COL4A4: variants seen among roughly 807,000 people sequenced by gnomAD.
COL4A4 encodes collagen alpha-4(IV) chain.
COL4A4 carries 105 observed loss-of-function variants against 192.9 expected under a neutral mutation model. That is an observed-to-expected ratio of 0.54 (90% confidence interval 0.46 to 0.64). COL4A4 has a LOEUF of 0.64. Ranked by LOEUF, COL4A4 falls within the 30% of genes least tolerant of loss-of-function variation. The pLI, the probability that COL4A4 is intolerant of heterozygous loss-of-function variation, is 0.00. For synonymous variants in COL4A4, 762 were observed against 769.9 expected, an observed-to-expected ratio of 0.99 and a Z score of 0.17; for missense variants, 1,967 against 2,169.3, an observed-to-expected ratio of 0.91 and a Z score of 1.85.
intron 28 of COL4A4, 35 bp downstream of exon 28, chr2:227,059,370 C>T (rs2150272413): frequency 6.4e-7 from 1 of 1,566,134 alleles, no homozygotes; most frequent in East Asian, 2.2e-5. Flanking sequence ...ACTGAGCCAG[C>T]TCTATGCACC....
At chr2:227,076,023 G>C (rs941519297) in intron 25 of COL4A4, among the ~76,000 whole-genome samples, 1 of 152,140 alleles carries the variant, frequency 6.6e-6, no homozygotes. Context: ...TACACTCTTG[G>C]ATAGGAAGAA....
the COL4A4 span, among the ~76,000 whole-genome samples, chr2:226,980,807 A>C: frequency 6.6e-6 from 1 of 151,862 alleles, no homozygotes; most frequent in East Asian, 1.9e-4. Flanking sequence ...ATTGATGTTT[A>C]AAAAATTTAG....
intron 22 of COL4A4, among the ~76,000 whole-genome samples, chr2:227,083,643 G>A (rs1187676771): frequency 1.3e-5 from 2 of 151,194 alleles, no homozygotes; most frequent in East Asian, 3.9e-4. Flanking sequence ...GTGTAGAGAT[G>A]GGGTCTTGCT....
chr2:227,007,794 C>A (rs914503333), intron 47 of COL4A4, among the ~76,000 whole-genome samples: 1 of 152,206 alleles, frequency 6.6e-6, no homozygotes, highest in Non-Finnish European at 1.5e-5. Context: ...ATGGCTGAAG[C>A]AAACTCATCT....
intron 37 of COL4A4, among the ~76,000 whole-genome samples, chr2:227,038,264 C>T (rs887438538): frequency 7.2e-5 from 11 of 152,118 alleles, no homozygotes; most frequent in Admixed American, 1.3e-4. Context: ...GGAAGGGGTC[C>T]GGTTTCAGTA....
chr2:227,056,875 T>A (rs1975492580), intron 29 of COL4A4, among the ~76,000 whole-genome samples: 1 of 152,202 alleles, frequency 6.6e-6, no homozygotes, highest in African/African-American at 2.4e-5. Context: ...GGCAGCTTGA[T>A]CTTGGACTTC....
intron 43 of COL4A4, among the ~76,000 whole-genome samples, chr2:227,023,154 A>G (rs2149866786): frequency 6.6e-6 from 1 of 152,086 alleles, no homozygotes. Flanking sequence ...ACTTTGAAAA[A>G]CACAGGCTGG....
At chr2:227,079,055 G>A (rs565247834) in intron 24 of COL4A4, among the ~76,000 whole-genome samples, 13 of 152,324 alleles carry the variant, frequency 8.5e-5, no homozygotes, top group African/African-American at 2.9e-4. Context: ...TGGGGAATGA[G>A]GCTTTCAAGT....
chr2:227,157,770 C>T (rs2064469694), intron 1 of COL4A4, among the ~76,000 whole-genome samples: 2 of 151,884 alleles, frequency 1.3e-5, no homozygotes, highest in South Asian at 4.2e-4. Context: ...TAAGTAAAAA[C>T]CTTCCCCAAA....
chr2:227,107,084 G>A (rs376409997), intron 12 of COL4A4, among the ~76,000 whole-genome samples: 4 of 152,140 alleles, frequency 2.6e-5, no homozygotes, highest in African/African-American at 7.2e-5. Flanking sequence ...TGGCTTCGAC[G>A]AACATATTCC....
intron 4 of COL4A4, among the ~76,000 whole-genome samples, chr2:227,124,364 A>T (rs981306768): frequency 6.6e-6 from 1 of 152,254 alleles, no homozygotes; most frequent in African/African-American, 2.4e-5. Context: ...TACCATCAGC[A>T]GAAGTGATTT....
upstream of COL4A4, chr2:227,164,432 C>A: frequency 7.6e-6 from 4 of 527,690 alleles, no homozygotes; most frequent in South Asian, 2.1e-5. The surrounding 1 kb of genome is among the most constrained non-coding windows in gnomAD (Gnocchi z 4.8). Flanking sequence ...AGGCGCCCAG[C>A]CCTTTCTCGC....
chr2:227,033,806 A>G (rs1391202574), intron 37 of COL4A4, among the ~76,000 whole-genome samples: 1 of 152,224 alleles, frequency 6.6e-6, no homozygotes, highest in Non-Finnish European at 1.5e-5. Context: ...TTTTATGACA[A>G]TAAAATCACC....
At chr2:226,993,494 G>A in the COL4A4 span, among the ~76,000 whole-genome samples, 2 of 152,230 alleles carry the variant, frequency 1.3e-5, no homozygotes, top group African/African-American at 4.8e-5. Context: ...ACAGTTTTAA[G>A]CAATCAACTA....
Position 227,012,184 on chromosome 2 carries a change from G to C in COL4A4, c.4330C>G (p.Pro1444Ala). 1 of 1,611,092 alleles carries C rather than the reference G, an allele frequency of 6.2e-7. No homozygotes were observed. ...DTGEDGYPGG[P>A]GPPGPIGDPG... ...AGAGGAGTGACTGAAACTCTACCTG[G>C]TCCTCCAGGGTAGCCGTCTTCTCCT... Residue 1444 changes from proline (P) to alanine (A), a missense_variant, in exon 45 of 48, where the codon CCA (proline) becomes GCA (alanine). Transcript: ENST00000396625.
chr2:227,028,644 TTTATTATTATTA>T (rs56914189), intron 41 of COL4A4, among the ~76,000 whole-genome samples: 75 of 141,864 alleles, frequency 5.3e-4, no homozygotes, highest in South Asian at 2.3e-3. Context: ...ATAAAAGAAA[TTTATTATTATTA>T]TTATTATTAT....
At chr2:227,126,021 C>A (rs1345335011) in intron 4 of COL4A4, among the ~76,000 whole-genome samples, 1 of 152,128 alleles carries the variant, frequency 6.6e-6, no homozygotes, top group Non-Finnish European at 1.5e-5. Flanking sequence ...CCCTCCATAT[C>A]CCTGGCTCCC....
chr2:227,138,796 T>C (rs1227442250), intron 4 of COL4A4, among the ~76,000 whole-genome samples: 3 of 152,150 alleles, frequency 2.0e-5, no homozygotes, highest in African/African-American at 4.8e-5. Context: ...AAGGAACCCA[T>C]TGCACACCTG....
At chr2:226,978,474 C>G in the COL4A4 span, among the ~76,000 whole-genome samples, 1 of 152,152 alleles carries the variant, frequency 6.6e-6, no homozygotes, top group African/African-American at 2.4e-5. Flanking sequence ...ATACCGTTTT[C>G]TGGTGTGAGA....
Sources: gnomAD v4.1 joint callset for allele counts (sites outside exome capture counted in the v4.1 genomes callset) on GRCh38, gnomAD v4.1.1 for gene constraint, Gnocchi (gnomAD v3.1) non-coding constraint, MANE v1.5 for transcripts, NCBI Gene and HGNC (gene_info 2026-07-23, HGNC 2026-07-21) for gene names.